The following B4GALNT2 variants were observed in gnomAD, a reference collection of about 807,000 sequenced individuals.
The protein encoded by B4GALNT2 is N-acetylneuraminylgalactosylglucosyl-glucoside beta-1,4-N- acetylgalactosaminyltransferase 2.
In B4GALNT2, 42 loss-of-function variants were observed where a neutral mutation model predicts 51.1. The observed-to-expected ratio is 0.82, with a 90% CI of 0.64 to 1.06. The LOEUF (loss-of-function observed/expected upper bound fraction) is 1.06. Among genes scored for constraint, B4GALNT2 ranks in the 50% least tolerant of loss-of-function variants. The pLI is 0.00. For missense variants in B4GALNT2, 602 were observed against 633.6 expected (o/e 0.95, Z 0.54); for synonymous variants, 253 against 251.7 (o/e 1.01, Z -0.05).
chr17:49,161,872 A>G (rs2042868250), intron 7 of B4GALNT2, among the ~76,000 whole-genome samples: 1 of 151,974 alleles, frequency 6.6e-6, no homozygotes, highest in African/African-American at 2.4e-5. Flanking sequence ...CAAAAAAACA[A>G]AAAAACTTGT....
intron 9 of B4GALNT2, among the ~76,000 whole-genome samples, chr17:49,166,984 A>G (rs565053344): frequency 2.6e-5 from 4 of 152,180 alleles, no homozygotes; most frequent in Non-Finnish European, 5.9e-5. Context: ...AGAAAATAAT[A>G]AAAACATCAA....
intron 7 of B4GALNT2, among the ~76,000 whole-genome samples, chr17:49,161,555 C>G (rs2042865723): frequency 1.3e-5 from 2 of 151,956 alleles, no homozygotes; most frequent in African/African-American, 4.8e-5. Context: ...GAGCAAGACC[C>G]TGTCTCAAAA....
intron 1 of B4GALNT2, 100 bp downstream of exon 1, chr17:49,132,906 G>A: frequency 1.5e-6 from 2 of 1,378,652 alleles, no homozygotes; most frequent in African/African-American, 1.5e-5. Flanking sequence ...AGGTGCTGGG[G>A]ACGCAGACGC....
chr17:49,155,583 CAG>C (rs2042801577), intron 4 of B4GALNT2, among the ~76,000 whole-genome samples: 1 of 148,504 alleles, frequency 6.7e-6, no homozygotes, highest in Non-Finnish European at 1.5e-5. Context: ...GCCTGAGCGA[CAG>C]AGTGAGACCC....
rs1348546369 is a variant in B4GALNT2, at chr17:49,163,995, G to A, written c.767-93G>A. On this transcript the variant is annotated intron_variant, in intron 7 of 10. Transcript: ENST00000393354. ...GCATGAGACCCACAGACACTGACAG[G>A]TTATGGCAGAAAGAAGCCATCAGAT... is the stretch of plus-strand genomic sequence containing the variant. 6 of 1,276,726 alleles carry A rather than the reference G, an allele frequency of 4.7e-6. No individual in the cohort carries two copies. In the Admixed American group the frequency reaches 1.0e-4, roughly 22 times the overall value. The allele number at this position is 1,276,726 out of a possible 1,614,324, so 79.1% of individuals were successfully genotyped here.
At chr17:49,133,829 C>G (rs1455573917) in intron 1 of B4GALNT2, among the ~76,000 whole-genome samples, 1 of 152,154 alleles carries the variant, frequency 6.6e-6, no homozygotes, top group Non-Finnish European at 1.5e-5. Context: ...AGGAGAATGA[C>G]TTGAACCTGG....
chr17:49,139,418 T>C (rs2042619559), intron 1 of B4GALNT2, among the ~76,000 whole-genome samples: 1 of 152,108 alleles, frequency 6.6e-6, no homozygotes, highest in Middle Eastern at 3.4e-3. Flanking sequence ...TTTTTTTCAG[T>C]AGAGACATTC....
chr17:49,143,680 A>C (rs111849852), intron 3 of B4GALNT2, among the ~76,000 whole-genome samples: 61 of 152,348 alleles, frequency 4.0e-4, no homozygotes, highest in African/African-American at 1.4e-3. Context: ...GTAATTTATA[A>C]AGAAAAGGTA....
At chr17:49,143,301 C>CAAAAAAACAA (rs148647477) in intron 3 of B4GALNT2, among the ~76,000 whole-genome samples, 14 of 151,030 alleles carry the variant, frequency 9.3e-5, no homozygotes, top group African/African-American at 2.0e-4. Context: ...ACAACAAAAA[C>CAAAAAAACAA]AAAAAAACAA....
At chr17:49,142,385 TAAC>T (rs113335662) in intron 3 of B4GALNT2, among the ~76,000 whole-genome samples, 6 of 152,050 alleles carry the variant, frequency 3.9e-5, no homozygotes, top group African/African-American at 4.8e-5. Flanking sequence ...AAACATTTCA[TAAC>T]AACAACAACA....
At chr17:49,140,470 T>G (rs1241235628) in intron 1 of B4GALNT2, among the ~76,000 whole-genome samples, 3 of 152,248 alleles carry the variant, frequency 2.0e-5, no homozygotes, top group African/African-American at 7.2e-5. Flanking sequence ...TTTGTTGTTC[T>G]GCTGCTTTAA....
chr17:49,135,548 G>T (rs748572584), intron 1 of B4GALNT2, among the ~76,000 whole-genome samples: 1 of 151,618 alleles, frequency 6.6e-6, no homozygotes, highest in Non-Finnish European at 1.5e-5. Context: ...GTGAGCCACC[G>T]CGCCCGGCCC....
In B4GALNT2 at chr17:49,174,402, T is replaced by C. The variant is rs1485738213; in HGVS notation, c.*4674T>C. The C allele has an allele frequency of 1.3e-5, 2 of 152,218 alleles. No homozygotes were observed. The highest frequency in any genetic ancestry group is 4.8e-5 in the African/African-American group (2 of 41,456). 9.4% of individuals were successfully genotyped at this position (152,218 alleles called of 1,614,324 possible). A position where few individuals can be genotyped will look rare whatever the true frequency, so the allele number is the denominator to read the frequency against. On this transcript the variant is annotated 3_prime_UTR_variant, in exon 11 of 11. Transcript: ENST00000393354. ...GGCTGCAGGTTGTTTACTGCAGGAA[T>C]TGTAAATGCAAACCATTCACAGTCC...
chr17:49,131,462 G>GAAAAAA (rs367790096), upstream of B4GALNT2, among the ~76,000 whole-genome samples: 5 of 100,290 alleles, frequency 5.0e-5, no homozygotes, highest in Non-Finnish European at 5.6e-5. Flanking sequence ...CCCAGACTCC[G>GAAAAAA]AAAAAAAAAA....
At chr17:49,150,314 C>A (rs1436961226) in intron 3 of B4GALNT2, among the ~76,000 whole-genome samples, 3 of 148,476 alleles carry the variant, frequency 2.0e-5, no homozygotes, top group African/African-American at 7.5e-5. Context: ...TCAGCCCCCC[C>A]CGCCTGGCCA....
Position 49,150,938 on chromosome 17 carries a change from A to G in B4GALNT2, c.354-1862A>G, listed in dbSNP as rs943880909. Among the ~76,000 whole-genome samples, 8 of 152,208 alleles carry G rather than the reference A, an allele frequency of 5.3e-5. No homozygotes were observed. In the East Asian group the frequency reaches 1.5e-3, roughly 29 times the overall value. ...GATCAATTAAAAAAATAATAATAAA[A>G]AATAAAAATTTTGCCTTTTTCATAT... On this transcript the variant is annotated intron_variant, in intron 3 of 10. Coordinates refer to ENST00000393354, the MANE Select transcript of B4GALNT2 (RefSeq NM_001159387.2).
At chr17:49,125,810 C>T in the B4GALNT2 span, among the ~76,000 whole-genome samples, 28 of 80,062 alleles carry the variant, frequency 3.5e-4, 5 homozygotes, top group Admixed American at 1.6e-3. Context: ...CACCTCTGCC[C>T]GGCCGCCCCT....
At chr17:49,162,340 G>A (rs1256702293) in intron 7 of B4GALNT2, among the ~76,000 whole-genome samples, 1 of 152,108 alleles carries the variant, frequency 6.6e-6, no homozygotes, top group Non-Finnish European at 1.5e-5. Context: ...AACACTTTTA[G>A]CCATTAAAAT....
intron 5 of B4GALNT2, 89 bp from the exon 6 acceptor site, chr17:49,158,948 C>T: frequency 6.9e-7 from 1 of 1,453,652 alleles, no homozygotes; most frequent in Admixed American, 1.8e-5. Flanking sequence ...GTGCTCTGCC[C>T]TGGCTCCTGG....
Sources: gnomAD v4.1 joint callset for allele counts (sites outside exome capture counted in the v4.1 genomes callset) on GRCh38, gnomAD v4.1.1 for gene constraint, MANE v1.5 for transcripts, NCBI Gene and HGNC (gene_info 2026-07-23, HGNC 2026-07-21) for gene names.